NHSL1: variants seen among roughly 807,000 people sequenced by gnomAD.
NHSL1 encodes the protein NHS like 1.
Under a neutral mutation model 95.0 loss-of-function variants are expected in NHSL1, and 48 were observed. That is an observed-to-expected ratio of 0.51 (90% CI 0.40 to 0.64). The LOEUF is 0.64. Ranked by LOEUF, NHSL1 falls within the 30% of genes least tolerant of loss-of-function variation. The probability of loss-of-function intolerance (pLI) is 0.00; values close to 1 mark genes in which losing one functional copy is unlikely to be tolerated. For missense variants in NHSL1, 1,971 were observed against 2,077.7 expected, an observed-to-expected ratio of 0.95 and a Z score of 1.00; for synonymous variants, 783 against 833.9, an observed-to-expected ratio of 0.94 and a Z score of 1.05.
intron 1 of NHSL1, among the ~76,000 whole-genome samples, chr6:138,634,354 T>C (rs190590839): frequency 3.9e-4 from 60 of 151,992 alleles, no homozygotes; most frequent in Non-Finnish European, 7.1e-4. Flanking sequence ...CAAAAATAAA[T>C]GGATAGAAAA....
In NHSL1 at chr6:138,692,547, G is replaced by A. The variant is rs1785695564; in HGVS notation, c.26C>T (p.Ala9Val). 1 of 202,748 alleles carries A rather than the reference G, an allele frequency of 4.9e-6. No homozygotes were observed. Among genetic ancestry groups the A allele is most frequent in the South Asian group, 6.7e-5 (1 of 14,890 alleles). The allele number at this position is 202,748 out of a possible 1,614,324, so 12.6% of individuals were successfully genotyped here. Residue 9 changes from alanine (A) to valine (V), a missense_variant, in exon 1 of 4, where the codon GCC becomes GTC. By Grantham distance (64) the Ala-to-Val change is moderately conservative (BLOSUM62 0). Transcript: ENST00000491526. The surrounding 1 kb of genome is among the most constrained non-coding windows in gnomAD (Gnocchi z 4.0). ...GGCGTCGAGGCGGCGGTGCAGCGCG[G>A]CGGTGCGGTGGCCCAGCGCGGCCGC... is the stretch of plus-strand genomic sequence containing the variant.
At chr6:138,592,288 T>C in intron 1 of NHSL1, among the ~76,000 whole-genome samples, 1 of 152,186 alleles carries the variant, frequency 6.6e-6, no homozygotes, top group East Asian at 1.9e-4. Flanking sequence ...ATTCTTCATA[T>C]GCAAAAATGA....
intron 7 of NHSL1, among the ~76,000 whole-genome samples, chr6:138,426,248 A>G (rs1775256127): frequency 6.6e-6 from 1 of 152,238 alleles, no homozygotes; most frequent in African/African-American, 2.4e-5. Flanking sequence ...AGAGTATGAT[A>G]TCTGTACACA....
In NHSL1 at chr6:138,647,113, A is replaced by G. The variant is rs561680444; in HGVS notation, c.96+45363T>C. On this transcript the variant is annotated intron_variant, in intron 1 of 3. Coordinates refer to the NHSL1 transcript ENST00000491526. ...TTCTCCTTTCTGTACTAATCTCCCA[A>G]AAACAGTGAATCACCAAAGGACCAG... 6.6e-5 allele frequency among the ~76,000 whole-genome samples: 10 copies of G among 152,358 alleles called. No homozygotes were observed. In the East Asian group the frequency reaches 1.9e-3, roughly 29 times the overall value.
chr6:138,491,410 A>G (rs978622936), intron 2 of NHSL1, among the ~76,000 whole-genome samples: 2 of 152,228 alleles, frequency 1.3e-5, no homozygotes, highest in African/African-American at 4.8e-5. Flanking sequence ...AGGTTACAAA[A>G]AAGCAAAATC....
intron 3 of NHSL1, chr6:138,470,628 T>C (rs372140901): frequency 7.2e-5 from 11 of 152,168 alleles, no homozygotes; most frequent in African/African-American, 2.7e-4. Context: ...GTAACAAAAA[T>C]TTTATAGCAG....
chr6:138,571,563 C>T (rs751243516), intron 1 of NHSL1: 6 of 700,130 alleles, frequency 8.6e-6, no homozygotes, highest in Non-Finnish European at 1.2e-5. Flanking sequence ...GACATGTAAA[C>T]AAATGACGCC....
At chr6:138,498,686 C>T (rs1214212081) in intron 1 of NHSL1, among the ~76,000 whole-genome samples, 1 of 152,222 alleles carries the variant, frequency 6.6e-6, no homozygotes, top group East Asian at 1.9e-4. Flanking sequence ...CACAAAAGTT[C>T]TGTACCTTAC....
chr6:138,645,421 A>G (rs551845075), intron 1 of NHSL1, among the ~76,000 whole-genome samples: 1 of 151,952 alleles, frequency 6.6e-6, no homozygotes, highest in Non-Finnish European at 1.5e-5. Flanking sequence ...CTGGATGTCC[A>G]TTAGCCTGTT....
chr6:138,655,685 T>TA (rs534477603), intron 1 of NHSL1, among the ~76,000 whole-genome samples: 22 of 151,570 alleles, frequency 1.5e-4, no homozygotes, highest in Non-Finnish European at 2.5e-4. Context: ...ACTTTGAAAC[T>TA]AAAAAAAAAT....
In NHSL1 at chr6:138,581,961, G is replaced by A. The variant is rs535131628; in HGVS notation, c.97-85590C>T. On this transcript the variant is annotated intron_variant, in intron 1 of 3. Transcript: ENST00000491526. ...TGCTTAGGCTGGAGTGCAGTGGCGCGATCTCGGCCACTGCAGCCTCTGCCT... is the reference window on the plus strand; with the variant it reads ...TGCTTAGGCTGGAGTGCAGTGGCGCAATCTCGGCCACTGCAGCCTCTGCCT... Among the ~76,000 whole-genome samples the A allele has an allele frequency of 1.6e-3, 229 of 147,372 alleles. 2 individuals carry two copies. The highest frequency in any genetic ancestry group is 0.013 in the East Asian group (62 of 4,946).
intron 3 of NHSL1, among the ~76,000 whole-genome samples, chr6:138,455,828 G>A (rs947962308): frequency 6.6e-6 from 1 of 152,206 alleles, no homozygotes; most frequent in Admixed American, 6.5e-5. Context: ...TTCGTCAGTA[G>A]CTGCTGAAAC....
intron 3 of NHSL1, among the ~76,000 whole-genome samples, chr6:138,449,687 A>AT (rs1216320280): frequency 1.3e-5 from 2 of 152,142 alleles, no homozygotes; most frequent in Non-Finnish European, 2.9e-5. Flanking sequence ...AAAAAAAAAA[A>AT]AAATTTGTGG....
chr6:138,492,092 T>C (rs1471557175), intron 2 of NHSL1, among the ~76,000 whole-genome samples: 3 of 152,174 alleles, frequency 2.0e-5, no homozygotes, highest in Non-Finnish European at 2.9e-5. Context: ...CCAGAGACTC[T>C]CCAGCTGTAA....
intron 1 of NHSL1, among the ~76,000 whole-genome samples, chr6:138,539,426 C>T (rs1022479151): frequency 3.9e-5 from 6 of 152,156 alleles, no homozygotes; most frequent in South Asian, 2.1e-4. Flanking sequence ...CTTTATCACA[C>T]GGGTCCATCT....
chr6:138,423,941 G>A lies in NHSL1; in HGVS notation c.*140C>T. On this transcript the variant is annotated 3_prime_UTR_variant, in exon 8 of 8. Coordinates refer to ENST00000343505, the MANE Select transcript of NHSL1 (RefSeq NM_001144060.2). ...TAAATAACCGTTCACTCACACTGCA[G>A]GGCTGGCAACCCCGGGGCCCACAGC... 1.2e-6 allele frequency: 1 copy of A among 831,672 alleles called. No homozygotes were observed. The highest frequency in any genetic ancestry group is 5.6e-5 in the South Asian group (1 of 17,916). 51.5% of individuals were successfully genotyped at this position (831,672 alleles called of 1,614,324 possible). A position where few individuals can be genotyped will look rare whatever the true frequency, so the allele number is the denominator to read the frequency against.
At chr6:138,503,441 T>A (rs898915947), upstream of NHSL1, among the ~76,000 whole-genome samples, 4 of 152,186 alleles carry the variant, frequency 2.6e-5, no homozygotes, top group Admixed American at 1.3e-4. Context: ...TGATTTTTTT[T>A]AAAGTAAAAG....
chr6:138,620,843 C>T (rs1013805413), intron 1 of NHSL1, among the ~76,000 whole-genome samples: 1 of 152,210 alleles, frequency 6.6e-6, no homozygotes, highest in African/African-American at 2.4e-5. Context: ...CCGACCCTCC[C>T]ACATCCTCTG....
intron 1 of NHSL1, among the ~76,000 whole-genome samples, chr6:138,538,505 T>C (rs1782450893): frequency 6.6e-6 from 1 of 152,172 alleles, no homozygotes; most frequent in Non-Finnish European, 1.5e-5. Context: ...GCTCCTGTGG[T>C]CCTTTGCCTT....
Sources: gnomAD v4.1 joint callset for allele counts (sites outside exome capture counted in the v4.1 genomes callset) on GRCh38, gnomAD v4.1.1 for gene constraint, Gnocchi (gnomAD v3.1) non-coding constraint, MANE v1.5 for transcripts, NCBI Gene and HGNC (gene_info 2026-07-23, HGNC 2026-07-21) for gene names.